The following ERAP2 variants were observed in gnomAD, a reference collection of about 807,000 sequenced individuals.
ERAP2 encodes leukocyte-derived arginine aminopeptidase.
Under a neutral mutation model 111.1 loss-of-function variants are expected in ERAP2, and 118 were observed. The ratio of observed to expected loss-of-function variants is 1.06; its 90% CI spans 0.92 to 1.24. The LOEUF is 1.24. Ranked by LOEUF, ERAP2 falls within the 50% of genes most tolerant of loss-of-function variation. The pLI is 0.00. For missense variants in ERAP2, 1,131 were observed against 1,125.8 expected, an observed-to-expected ratio of 1.00 and a Z score of -0.07; for synonymous variants, 410 against 401.2, an observed-to-expected ratio of 1.02 and a Z score of -0.26.
intron 1 of ERAP2, among the ~76,000 whole-genome samples, chr5:96,877,977 A>G (rs1021816611): frequency 1.3e-5 from 2 of 152,350 alleles, no homozygotes; most frequent in South Asian, 2.1e-4. Flanking sequence ...TAAGGATTAT[A>G]AAAAGAAGAA....
At chr5:96,914,306 C>A (rs1184325592) in intron 17 of ERAP2, among the ~76,000 whole-genome samples, 1 of 152,176 alleles carries the variant, frequency 6.6e-6, no homozygotes, top group African/African-American at 2.4e-5. Context: ...TCCCTGATAT[C>A]ATTAATTCCT....
chr5:96,890,586 C>A (rs1784240443), intron 5 of ERAP2, among the ~76,000 whole-genome samples: 1 of 152,172 alleles, frequency 6.6e-6, no homozygotes, highest in African/African-American at 2.4e-5. Context: ...AGTGACAAAA[C>A]AATTTTTTTC....
chr5:96,910,553 C>T (rs1016349051), intron 15 of ERAP2, among the ~76,000 whole-genome samples: 1 of 152,040 alleles, frequency 6.6e-6, no homozygotes, highest in African/African-American at 2.4e-5. Flanking sequence ...TGTAAACATC[C>T]TACTGCCCTA....
intron 6 of ERAP2, among the ~76,000 whole-genome samples, chr5:96,893,440 C>A (rs1050717088): frequency 1.3e-5 from 2 of 152,174 alleles, no homozygotes; most frequent in African/African-American, 4.8e-5. Context: ...CACTGTGCTT[C>A]GAGAACACAT....
intron 13 of ERAP2, among the ~76,000 whole-genome samples, chr5:96,907,153 T>C (rs56285155): frequency 0.33 from 50,311 of 151,980 alleles, 8,851 homozygotes; most frequent in East Asian, 0.46. Flanking sequence ...ACTTTTACTG[T>C]TGAGCTAAGG....
At chr5:96,914,279 G>A (rs1472859409) in intron 17 of ERAP2, among the ~76,000 whole-genome samples, 1 of 152,108 alleles carries the variant, frequency 6.6e-6, no homozygotes, top group Non-Finnish European at 1.5e-5. Flanking sequence ...CTTTGTTTAT[G>A]TCAGGGTCAG....
chr5:96,889,214 G>GAATCAAACAC lies in ERAP2; in HGVS notation c.881_890dup (p.His297GlnfsTer15), dbSNP rs1784075737. 6.2e-7 allele frequency: 1 copy of GAATCAAACAC among 1,613,976 alleles called. No homozygotes were observed. The highest frequency in any genetic ancestry group is 1.7e-5 in the Admixed American group (1 of 59,982). On this transcript the variant is annotated frameshift_variant, in exon 5 of 19. Coordinates refer to ENST00000437043, the MANE Select transcript of ERAP2 (RefSeq NM_022350.5). LOFTEE classifies it high-confidence loss of function. The stretch of plus-strand genomic sequence containing the variant: ...CCATCTATGCATCCCCAGACAAACG[G>GAATCAAACAC]AATCAAACACATTATGCTTTGCAGG...
chr5:96,910,468 A>C (rs1294960647), intron 15 of ERAP2, among the ~76,000 whole-genome samples: 1 of 150,730 alleles, frequency 6.6e-6, no homozygotes, highest in Admixed American at 6.6e-5. Flanking sequence ...AAAAAAACTT[A>C]AAAAAAAACC....
At chr5:96,888,673 C>T (rs1196421614) in intron 4 of ERAP2, among the ~76,000 whole-genome samples, 5 of 152,260 alleles carry the variant, frequency 3.3e-5, no homozygotes, top group Admixed American at 2.6e-4. Context: ...ATTTTTTCTA[C>T]TTGATAGCTA....
In ERAP2 at chr5:96,889,274, C is replaced by T. The variant is rs1308164245; in HGVS notation, c.939C>T (p.Tyr313=). Residue 313 remains tyrosine, a synonymous_variant, in exon 5 of 19, where the codon TAC becomes TAT. Coordinates refer to ENST00000437043, the MANE Select transcript of ERAP2 (RefSeq NM_022350.5). ...AGCTACTTGATTTTTATGAAAAGTA[C>T]TTTGATATCTACTATCCACTCTCCA... The part of the protein sequence containing the change: ...SLKLLDFYEK[Y]FDIYYPLSKL... The T allele has an allele frequency of 6.2e-7, 1 of 1,613,860 alleles. No homozygotes were observed. Among genetic ancestry groups the T allele is most frequent in the South Asian group, 1.1e-5 (1 of 91,084 alleles).
At chr5:96,898,783 C>A (rs1170858978) in intron 9 of ERAP2, among the ~76,000 whole-genome samples, 1 of 151,802 alleles carries the variant, frequency 6.6e-6, no homozygotes, top group Non-Finnish European at 1.5e-5. Flanking sequence ...TATAAAGATG[C>A]TCTTTACTAT....
At chr5:96,896,966 T>G in intron 9 of ERAP2, 103 bp downstream of exon 9, 1 of 441,104 alleles carries the variant, frequency 2.3e-6, no homozygotes, top group Non-Finnish European at 3.0e-6. Context: ...TCAACCATAT[T>G]TATTCTGCTT....
intron 4 of ERAP2, 76 bp from the exon 5 acceptor site, chr5:96,889,109 T>A (rs1346355881): frequency 6.4e-7 from 1 of 1,560,348 alleles, no homozygotes; most frequent in Non-Finnish European, 8.8e-7. Flanking sequence ...TGCCTTTCTG[T>A]GTGAGAGGGT....
At chr5:96,890,824 A>G (rs375518096) in intron 5 of ERAP2, among the ~76,000 whole-genome samples, 48 of 151,840 alleles carry the variant, frequency 3.2e-4, no homozygotes, top group African/African-American at 1.1e-3. Context: ...ACTAAATCCC[A>G]TTTATATGTA....
Position 96,913,425 on chromosome 5 carries a change from T to G in ERAP2, c.2625T>G (p.Phe875Leu), listed in dbSNP as rs774701220. ...AGGGGCAGCAACTAGCATGGGATTT[T>G]GTAAGAGAAAATTGGACCCATCTTC... is the stretch of plus-strand genomic sequence containing the variant. ...RPKGQQLAWD[F>L]VRENWTHLLK... The change falls in exon 17 of 19, where the codon TTT becomes TTG. Residue 875 changes from phenylalanine (F) to leucine (L), a missense_variant. This residue lies in a region of ERAP2 where 279 missense variants were observed against 250.9 expected (regional missense o/e 1.11). Transcript: ENST00000437043. 6.2e-7 allele frequency: 1 copy of G among 1,614,180 alleles called. No homozygotes were observed. Among genetic ancestry groups the G allele is most frequent in the Non-Finnish European group, 8.5e-7 (1 of 1,180,002 alleles).
At chr5:96,899,151 A>G (rs533993648) in intron 9 of ERAP2, among the ~76,000 whole-genome samples, 10 of 152,346 alleles carry the variant, frequency 6.6e-5, no homozygotes, top group South Asian at 6.2e-4. Flanking sequence ...CTCTGTGTTT[A>G]TAAGTGAGAA....
intron 12 of ERAP2, 94 bp downstream of exon 12, chr5:96,902,447 A>C (rs1172318311): frequency 1.4e-6 from 1 of 724,032 alleles, no homozygotes; most frequent in African/African-American, 1.8e-5. Context: ...AAATCTAACA[A>C]TAAAAGATTT....
chr5:96,906,760 A>C (rs533681811), intron 13 of ERAP2, among the ~76,000 whole-genome samples: 30 of 152,270 alleles, frequency 2.0e-4, no homozygotes, highest in Admixed American at 9.8e-4. Context: ...CATTGGGCGC[A>C]GTGGCTCACG....
intron 17 of ERAP2, 95 bp from the exon 18 acceptor site, chr5:96,915,593 T>A (rs563923677): frequency 1.7e-6 from 1 of 578,500 alleles, no homozygotes; most frequent in East Asian, 3.5e-5. Context: ...GCTTATCACA[T>A]AGTTATTAAT....
Sources: allele counts gnomAD v4.1 joint callset (sites outside exome capture counted in the v4.1 genomes callset), GRCh38; gene constraint gnomAD v4.1.1; regional missense constraint gnomAD v4.1.1; transcripts MANE v1.5; gene names NCBI Gene and HGNC (gene_info 2026-07-23, HGNC 2026-07-21).